ANK3: variants seen among roughly 807,000 people sequenced by gnomAD.
ANK3 encodes ankyrin-3.
In ANK3, 57 loss-of-function variants were observed where a neutral mutation model predicts 370.9. The observed-to-expected ratio is 0.15, with a 90% CI of 0.12 to 0.19. The LOEUF is 0.19. ANK3 is among the 10% of genes least tolerant of loss of function. The probability of loss-of-function intolerance (pLI) is 1.00; values close to 1 mark genes in which losing one functional copy is unlikely to be tolerated. For synonymous variants in ANK3, 1,929 were observed against 1,946.3 expected (o/e 0.99, Z 0.23); for missense variants, 4,439 against 5,302.1 (o/e 0.84, Z 5.06).
At chr10:60,570,717 T>C (rs1046147652) in intron 2 of ANK3, among the ~76,000 whole-genome samples, 5 of 152,172 alleles carry the variant, frequency 3.3e-5, no homozygotes, top group Non-Finnish European at 5.9e-5. Context: ...AAGAGTGCCC[T>C]AGCAGCAGTT....
chr10:60,170,137 T>TG (rs2095743114), intron 21 of ANK3, among the ~76,000 whole-genome samples: 1 of 151,978 alleles, frequency 6.6e-6, no homozygotes, highest in South Asian at 2.1e-4. Flanking sequence ...TTTTGATAGA[T>TG]ACAATTCACA....
chr10:60,191,345 G>T (rs1437740636), intron 16 of ANK3, among the ~76,000 whole-genome samples: 1 of 150,250 alleles, frequency 6.7e-6, no homozygotes, highest in African/African-American at 2.5e-5. Flanking sequence ...ATCTGACAAA[G>T]AACTAATATC....
intron 2 of ANK3, among the ~76,000 whole-genome samples, chr10:60,439,217 G>T (rs992270859): frequency 5.3e-5 from 8 of 152,050 alleles, no homozygotes; most frequent in African/African-American, 1.7e-4. Context: ...GTAAGATGTG[G>T]CTCCACTGTA....
chr10:60,499,936 T>C (rs1330910334), intron 2 of ANK3, among the ~76,000 whole-genome samples: 1 of 152,212 alleles, frequency 6.6e-6, no homozygotes, highest in Non-Finnish European at 1.5e-5. Context: ...ACTGAATTAT[T>C]TTAAATAACT....
intron 8 of ANK3, among the ~76,000 whole-genome samples, chr10:60,218,430 T>G (rs1312714459): frequency 6.6e-6 from 1 of 152,208 alleles, no homozygotes; most frequent in East Asian, 1.9e-4. Flanking sequence ...TGGTTTTTCC[T>G]TTCCATATTT....
intron 2 of ANK3, among the ~76,000 whole-genome samples, chr10:60,496,326 C>T (rs997364195): frequency 2.0e-5 from 3 of 152,138 alleles, no homozygotes; most frequent in Non-Finnish European, 4.4e-5. Context: ...CCAACCTACT[C>T]ATAACAGACT....
In ANK3 at chr10:60,692,748, T is replaced by C. The variant is rs562388455; in HGVS notation, c.57+40515A>G. ...AGTCAATCCTTTTGAAAGTCAGATA[T>C]TTCCAATTCTTTGCTTTGAACAAAG... On this transcript the variant is annotated intron_variant, in intron 1 of 43. Transcript: ENST00000373827. 3.1e-4 allele frequency among the ~76,000 whole-genome samples: 47 copies of C among 152,364 alleles called. No individual in the cohort carries two copies. The South Asian group carries it at 9.5e-3, about 31-fold the overall frequency.
intron 2 of ANK3, among the ~76,000 whole-genome samples, chr10:60,458,812 C>A (rs368129968): frequency 1.3e-5 from 2 of 151,986 alleles, no homozygotes; most frequent in East Asian, 1.9e-4. Context: ...TGTGTGAAGA[C>A]GATGGGGTCA....
intron 1 of ANK3, among the ~76,000 whole-genome samples, chr10:60,630,528 G>C (rs538431467): frequency 6.6e-6 from 1 of 152,288 alleles, no homozygotes; most frequent in Non-Finnish European, 1.5e-5. Context: ...TGCTGCAGAG[G>C]AACTAATCAG....
chr10:60,643,937 A>T (rs7902456), intron 1 of ANK3, among the ~76,000 whole-genome samples: 102,936 of 152,024 alleles, frequency 0.68, 34,992 homozygotes, highest in South Asian at 0.83. Flanking sequence ...AAAGAAACAT[A>T]AATGTGACAG....
rs549244550 is a variant in ANK3, at chr10:60,060,298, A to C, written c.12596-868T>G. On this transcript the variant is annotated intron_variant, in intron 40 of 43. Transcript: ENST00000280772. ...TCCAAAGTATGCAGACTAAATATAT[A>C]AAGTTTATATATTTAAGTTTATATA... is the stretch of plus-strand genomic sequence containing the variant. 7.3e-5 allele frequency: 15 copies of C among 205,296 alleles called. No homozygotes were observed. In the South Asian group the frequency reaches 2.3e-3, roughly 32 times the overall value. 12.7% of individuals were successfully genotyped at this position (205,296 alleles called of 1,614,324 possible).
chr10:60,490,725 TG>T (rs1373738615), intron 2 of ANK3, among the ~76,000 whole-genome samples: 3 of 152,228 alleles, frequency 2.0e-5, no homozygotes, highest in Non-Finnish European at 4.4e-5. Flanking sequence ...TATTCTATCT[TG>T]GAAAAAAATT....
At chr10:60,344,637 C>T (rs1000767647) in intron 1 of ANK3, among the ~76,000 whole-genome samples, 4 of 112,138 alleles carry the variant, frequency 3.6e-5, no homozygotes, top group African/African-American at 1.1e-4. Context: ...GCACTAGGTA[C>T]ACAACTTCAA....
intron 2 of ANK3, among the ~76,000 whole-genome samples, chr10:60,474,956 A>G (rs999567833): frequency 6.6e-6 from 1 of 152,160 alleles, no homozygotes; most frequent in Non-Finnish European, 1.5e-5. Context: ...TAAAATATCT[A>G]AAAGAGAAAT....
At chr10:60,684,321 C>CT (rs2079238541) in intron 1 of ANK3, among the ~76,000 whole-genome samples, 1 of 152,200 alleles carries the variant, frequency 6.6e-6, no homozygotes, top group Non-Finnish European at 1.5e-5. Flanking sequence ...CCTCCACCAC[C>CT]GCCCATGCCT....
At chr10:60,704,890 C>G (rs1196604240) in intron 1 of ANK3, among the ~76,000 whole-genome samples, 1 of 152,128 alleles carries the variant, frequency 6.6e-6, no homozygotes, top group Non-Finnish European at 1.5e-5. Flanking sequence ...AGAACTAGAT[C>G]ATAGGTGGTA....
At chr10:60,457,160 G>GGATTTAAATCCCTGGGAT (rs2064769096) in intron 2 of ANK3, among the ~76,000 whole-genome samples, 4 of 152,074 alleles carry the variant, frequency 2.6e-5, no homozygotes, top group Non-Finnish European at 5.9e-5. Flanking sequence ...CTGAGCAGAG[G>GGATTTAAATCCCTGGGAT]GCAATAATAC....
At chr10:60,508,244 A>G (rs1005105619) in intron 2 of ANK3, 4 of 152,334 alleles carry the variant, frequency 2.6e-5, no homozygotes, top group Non-Finnish European at 5.9e-5. Context: ...GATGCATTGA[A>G]AACACCAACA....
intron 42 of ANK3, among the ~76,000 whole-genome samples, chr10:60,050,172 G>A (rs187038754): frequency 4.6e-5 from 7 of 152,240 alleles, no homozygotes; most frequent in Admixed American, 4.6e-4. Flanking sequence ...CTGATTATGA[G>A]GATTTTATTG....
Sources: allele counts gnomAD v4.1 joint callset (sites outside exome capture counted in the v4.1 genomes callset), GRCh38; gene constraint gnomAD v4.1.1; transcripts MANE v1.5; gene names NCBI Gene and HGNC (gene_info 2026-07-23, HGNC 2026-07-21).